Variants in NAALADL2 observed in about 807,000 individuals in gnomAD.
The protein encoded by NAALADL2 is inactive N-acetylated-alpha-linked acidic dipeptidase-like protein 2.
NAALADL2 carries 76 observed loss-of-function variants against 87.2 expected under a neutral mutation model. That is an observed-to-expected ratio of 0.87 (90% CI 0.72 to 1.05). The LOEUF (loss-of-function observed/expected upper bound fraction) is 1.05, where lower values mean the gene tolerates loss of function less well. Among genes scored for constraint, NAALADL2 ranks in the 50% least tolerant of loss-of-function variants. The pLI is 0.00. For synonymous variants in NAALADL2, 354 were observed against 331.0 expected, an observed-to-expected ratio of 1.07 and a Z score of -0.75; for missense variants, 1,089 against 945.8, an observed-to-expected ratio of 1.15 and a Z score of -1.99.
At chr3:175,576,284 G>A in intron 10 of NAALADL2, 97 bp downstream of exon 10, 1 of 1,122,272 alleles carries the variant, frequency 8.9e-7, no homozygotes, top group Non-Finnish European at 1.3e-6. Context: ...TATCAAATAG[G>A]TCACTATAGA....
chr3:175,318,790 A>G (rs1306959478), intron 4 of NAALADL2, among the ~76,000 whole-genome samples: 1 of 151,802 alleles, frequency 6.6e-6, no homozygotes, highest in Non-Finnish European at 1.5e-5. Flanking sequence ...TAATTAAACT[A>G]CTCTCCCCAA....
chr3:174,478,949 T>A (rs897586329), intron 1 of NAALADL2, among the ~76,000 whole-genome samples: 1 of 152,196 alleles, frequency 6.6e-6, no homozygotes, highest in African/African-American at 2.4e-5. Context: ...CCTCAAGCAA[T>A]CCACCTGCCT....
chr3:175,671,442 A>C lies in NAALADL2; in HGVS notation c.1896+44056A>C, dbSNP rs138129390. Among the ~76,000 whole-genome samples, 789 of 152,118 alleles carry C rather than the reference A, an allele frequency of 5.2e-3. 9 individuals are homozygous for C. The highest frequency in any genetic ancestry group is 0.018 in the African/African-American group (754 of 41,554). On this transcript the variant is annotated intron_variant, in intron 11 of 13. Coordinates refer to ENST00000454872, the MANE Select transcript of NAALADL2 (RefSeq NM_207015.3). ...TCTTCCCTCTTAATGATAGTTTCAG[A>C]TATCTTGGGATTTGTCATTAAAGTA...
At chr3:175,279,782 G>A (rs1275330575) in intron 4 of NAALADL2, among the ~76,000 whole-genome samples, 1 of 127,664 alleles carries the variant, frequency 7.8e-6, no homozygotes, top group Non-Finnish European at 1.6e-5. Flanking sequence ...TCTGCATAGT[G>A]TGTGAGTGTG....
chr3:175,484,721 G>T (rs190170680), intron 9 of NAALADL2, among the ~76,000 whole-genome samples: 5 of 152,228 alleles, frequency 3.3e-5, no homozygotes, highest in Admixed American at 3.3e-4. Flanking sequence ...AAAAGCTGTA[G>T]TTAACGACTG....
At chr3:174,559,295 C>T (rs1713271866) in intron 2 of NAALADL2, among the ~76,000 whole-genome samples, 1 of 152,124 alleles carries the variant, frequency 6.6e-6, no homozygotes, top group African/African-American at 2.4e-5. Context: ...GATGGTGAAT[C>T]CCTGCACCAT....
At chr3:174,899,733 A>G (rs570325697) in intron 1 of NAALADL2, among the ~76,000 whole-genome samples, 15 of 152,252 alleles carry the variant, frequency 9.9e-5, no homozygotes, top group Non-Finnish European at 2.1e-4. Flanking sequence ...CTAACACAAT[A>G]TAATATAATT....
In NAALADL2 at chr3:175,340,612, C is replaced by T. The variant is rs537471757; in HGVS notation, c.1090+16287C>T. ...AGTGTTGGGAGTAGCTTTGTGGCAG[C>T]ATGGCTTCTTCAACTGGCCCTAGAG... On this transcript the variant is annotated intron_variant, in intron 5 of 13. Transcript: ENST00000454872. Among the ~76,000 whole-genome samples the T allele has an allele frequency of 6.6e-5, 10 of 152,254 alleles. No homozygotes were observed. In the East Asian group the frequency reaches 9.7e-4, roughly 15 times the overall value.
chr3:175,589,865 T>G (rs1721124516), intron 10 of NAALADL2, among the ~76,000 whole-genome samples: 1 of 150,326 alleles, frequency 6.7e-6, no homozygotes, highest in South Asian at 2.1e-4. Flanking sequence ...TGGCAGAGCA[T>G]GAGAGTACTG....
rs568467954 is a variant in NAALADL2, at chr3:175,485,512, C to G, written c.1653+13754C>G. Among the ~76,000 whole-genome samples, 5 of 152,294 alleles carry G rather than the reference C, an allele frequency of 3.3e-5. No individual in the cohort carries two copies. In the South Asian group the frequency reaches 1.0e-3, roughly 32 times the overall value. On this transcript the variant is annotated intron_variant, in intron 9 of 13. Transcript: ENST00000454872. Reference sequence around the variant, plus strand: ...GTAGGGGAGCTAACCATGCAGCCTTCAGTCTGTGGCTGCAGGTCTGAGAGC... The same window carrying G: ...GTAGGGGAGCTAACCATGCAGCCTTGAGTCTGTGGCTGCAGGTCTGAGAGC...
chr3:175,475,347 A>G (rs1725543224), intron 9 of NAALADL2, among the ~76,000 whole-genome samples: 1 of 152,216 alleles, frequency 6.6e-6, no homozygotes, highest in Admixed American at 6.5e-5. Context: ...TTATCTTCAA[A>G]TAATAGTTTT....
intron 2 of NAALADL2, among the ~76,000 whole-genome samples, chr3:174,601,569 C>A (rs553403938): frequency 6.6e-6 from 1 of 152,224 alleles, no homozygotes; most frequent in Admixed American, 6.5e-5. Context: ...GGGTAGTTTG[C>A]AAATATTTTC....
intron 5 of NAALADL2, among the ~76,000 whole-genome samples, chr3:175,389,365 C>T (rs1230595626): frequency 6.6e-6 from 1 of 152,158 alleles, no homozygotes; most frequent in Non-Finnish European, 1.5e-5. Context: ...CTGTACTCTA[C>T]CTTCATCCAC....
intron 1 of NAALADL2, among the ~76,000 whole-genome samples, chr3:174,539,977 G>GAAAA (rs57394560): frequency 1.4e-4 from 7 of 51,174 alleles, no homozygotes; most frequent in Non-Finnish European, 1.5e-4. Flanking sequence ...GGAAGTTCTG[G>GAAAA]AAAAAAAAAA....
intron 2 of NAALADL2, among the ~76,000 whole-genome samples, chr3:175,159,611 A>C (rs2108830382): frequency 6.6e-6 from 1 of 152,316 alleles, no homozygotes; most frequent in African/African-American, 2.4e-5. Flanking sequence ...ATTTTTCAAA[A>C]TCTTTTATAG....
rs370122517 is a variant in NAALADL2 at position 175,022,769 on chromosome 3, ATAAT to A, written c.44-74019_44-74016del. 6.8e-3 allele frequency among the ~76,000 whole-genome samples: 1,035 copies of A among 152,248 alleles called. 7 individuals carry two copies. The highest frequency in any genetic ancestry group is 0.024 in the African/African-American group (983 of 41,550). On this transcript the variant is annotated intron_variant, in intron 1 of 13. Coordinates refer to ENST00000454872, the MANE Select transcript of NAALADL2 (RefSeq NM_207015.3). ...GGAATGTATTGACGGATTAACAGAA[ATAAT>A]TCTTACTCGAGAAAGACTGCTCAAA...
At chr3:174,774,070 G>A (rs1274329426) in intron 3 of NAALADL2, among the ~76,000 whole-genome samples, 2 of 151,908 alleles carry the variant, frequency 1.3e-5, no homozygotes, top group Non-Finnish European at 2.9e-5. Context: ...TCTCTCTACT[G>A]TACTCTTTTC....
At chr3:174,743,163 T>G (rs999616931) in intron 3 of NAALADL2, among the ~76,000 whole-genome samples, 16 of 151,898 alleles carry the variant, frequency 1.1e-4, no homozygotes, top group African/African-American at 3.4e-4. Flanking sequence ...AAGTGGCGTA[T>G]GTTTAGACTT....
At chr3:175,367,210 T>A (rs1465441321) in intron 5 of NAALADL2, among the ~76,000 whole-genome samples, 2 of 151,770 alleles carry the variant, frequency 1.3e-5, no homozygotes, top group Non-Finnish European at 2.9e-5. Context: ...TTCTGTTCCA[T>A]TGATCTATAT....
Sources: allele counts gnomAD v4.1 joint callset (sites outside exome capture counted in the v4.1 genomes callset), GRCh38; gene constraint gnomAD v4.1.1; transcripts MANE v1.5; gene names NCBI Gene and HGNC (gene_info 2026-07-23, HGNC 2026-07-21).